Variants in APOB observed in about 807,000 individuals in gnomAD.
APOB encodes apolipoprotein B, also known as apolipoprotein B-100.
In APOB, 153 loss-of-function variants were observed where a neutral mutation model predicts 314.1. That is an observed-to-expected ratio of 0.49 (90% CI 0.43 to 0.56). The LOEUF (loss-of-function observed/expected upper bound fraction) is 0.56. Ranked by LOEUF, APOB falls within the 20% of genes least tolerant of loss-of-function variation. The probability of loss-of-function intolerance (pLI) is 0.00; values close to 1 mark genes in which losing one functional copy is unlikely to be tolerated. For synonymous variants in APOB, 2,087 were observed against 2,036.4 expected (o/e 1.02, Z -0.67); for missense variants, 5,430 against 5,350.7 (o/e 1.01, Z -0.46).
intron 9 of APOB, 137 bp downstream of exon 9, chr2:21,033,162 A>T: frequency 1.4e-6 from 1 of 711,056 alleles, no homozygotes. Context: ...TCTATCCAGC[A>T]ATCATGAACT....
chr2:21,003,389 T>C, intron 28 of APOB, 55 bp from the exon 29 acceptor site: 5 of 1,449,190 alleles, frequency 3.5e-6, no homozygotes, highest in Non-Finnish European at 4.8e-6. Context: ...AATTACACAA[T>C]ATAGTACACT....
At chr2:21,041,141 C>T in intron 3 of APOB, 58 bp from the exon 4 acceptor site, 1 of 1,574,008 alleles carries the variant, frequency 6.4e-7, no homozygotes, top group Non-Finnish European at 8.6e-7. Flanking sequence ...GAGGTGGCCC[C>T]TGAAGCCCAG....
rs746911939 is a variant in APOB, at chr2:21,007,318, G to A, written c.9550C>T (p.His3184Tyr). ...ACAGCCAAAGGATTTGTGATGGAAT[G>A]CCTGTGTTTGTTTTTCTTATACTGA... The part of the protein sequence containing the change: ...KAQYKKNKHR[H>Y]SITNPLAVLC... Residue 3184 changes from histidine (H) to tyrosine (Y), a missense_variant, in exon 26 of 29, where the codon CAT becomes TAT. Physicochemically the swap from His to Tyr is moderately conservative, Grantham distance 83 (BLOSUM62 2). Transcript: ENST00000233242. 20 of 1,613,944 alleles carry A rather than the reference G, an allele frequency of 1.2e-5. No individual in the cohort carries two copies. The highest frequency in any genetic ancestry group is 3.3e-5 in the South Asian group (3 of 91,068).
At position 21,043,957 on chromosome 2, in the gene APOB, G is replaced by C; in HGVS notation, c.-12C>G. 7.9e-7 allele frequency: 1 copy of C among 1,267,308 alleles called. No individual in the cohort carries two copies. 78.5% of individuals were successfully genotyped at this position (1,267,308 alleles called of 1,614,324 possible). On this transcript the variant is annotated 5_prime_UTR_variant, in exon 1 of 29. Coordinates refer to ENST00000233242, the MANE Select transcript of APOB (RefSeq NM_000384.3). ...CTCGGCGGGTCCATCGCCAGCTGCG[G>C]TGGGGCGGCTCCTGGGCTGCGGCCT...
chr2:21,037,047 A>G (rs1664018400), intron 6 of APOB, 53 bp downstream of exon 6: 1 of 1,611,106 alleles, frequency 6.2e-7, no homozygotes, highest in Non-Finnish European at 8.5e-7. Context: ...CTGGAATTGT[A>G]TTAATAAGAG....
intron 14 of APOB, among the ~76,000 whole-genome samples, chr2:21,027,566 G>A (rs1663763332): frequency 6.6e-6 from 1 of 152,144 alleles, no homozygotes; most frequent in South Asian, 2.1e-4. Context: ...ACCCGCCTCG[G>A]CCTCCCAAAG....
In APOB at chr2:21,010,255, T is replaced by G; in HGVS notation, c.6613A>C (p.Ile2205Leu). ...KIAIANIIDEIIEKLKSLDEH... is the reference protein window; with the variant it reads ...KIAIANIIDELIEKLKSLDEH... ...TCAAGACTTTTTAATTTTTCAATGA[T>G]TTCATCAATAATATTAGCAATAGCT... is the stretch of plus-strand genomic sequence containing the variant. Residue 2205 changes from isoleucine (I) to leucine (L), a missense_variant, in exon 26 of 29, where the codon ATC (isoleucine) becomes CTC (leucine). By Grantham distance (5) the Ile-to-Leu change is conservative. Coordinates refer to ENST00000233242, the MANE Select transcript of APOB (RefSeq NM_000384.3). 1 of 1,557,444 alleles carries G rather than the reference T, an allele frequency of 6.4e-7. No individual in the cohort carries two copies. Among genetic ancestry groups the G allele is most frequent in the African/African-American group, 1.4e-5 (1 of 72,736 alleles).
rs13306187 is a variant in APOB, at chr2:21,013,213, C to T, written c.4163G>A (p.Arg1388His). ...CACAGAGTCAGCCTTCATGTGGTAA[C>T]GAGCCCGAAGGCTGAAATGGTCTGT... is the stretch of plus-strand genomic sequence containing the variant. The part of the protein sequence containing the change: ...TSTDHFSLRA[R>H]YHMKADSVVD... The change falls in exon 25 of 29, where the codon CGT (arginine) becomes CAT (histidine). Residue 1388 changes from arginine (R) to histidine (H), a missense_variant. Coordinates refer to ENST00000233242, the MANE Select transcript of APOB (RefSeq NM_000384.3). 5.9e-4 allele frequency: 949 copies of T among 1,614,120 alleles called. 11 individuals are homozygous for T. The East Asian group carries it at 0.015, about 25-fold the overall frequency.
rs75643603 is a variant in APOB at position 21,010,528 on chromosome 2, C to A, written c.6340G>T (p.Ala2114Ser). The A allele has an allele frequency of 6.2e-7, 1 of 1,609,876 alleles. No homozygotes were observed. Among genetic ancestry groups the A allele is most frequent in the Non-Finnish European group, 8.5e-7 (1 of 1,176,934 alleles). Residue 2114 changes from alanine to serine, a missense_variant, in exon 26 of 29, where the codon GCC becomes TCC. Around this residue, in one of 3 missense-constraint regions of APOB, gnomAD observed 3,281 missense variants for 3,171.0 expected, o/e 1.03. Coordinates refer to ENST00000233242, the MANE Select transcript of APOB (RefSeq NM_000384.3). ...GCTTGCTGTGGGAGTTTTCCCAGGG[C>A]TGCTCTGTATTTTCTTACAAATTGA... ...IDQFVRKYRA[A>S]LGKLPQQAND...
chr2:21,016,921 T>C (rs1663487291), intron 20 of APOB, among the ~76,000 whole-genome samples: 1 of 151,416 alleles, frequency 6.6e-6, no homozygotes, highest in African/African-American at 2.4e-5. Context: ...GAGGCGGGGC[T>C]TGCAGTGAGC....
chr2:21,010,738 C>T lies in APOB; in HGVS notation c.6130G>A (p.Asp2044Asn), dbSNP rs1663290052. The T allele has an allele frequency of 5.6e-6, 9 of 1,614,040 alleles. No homozygotes were observed. The highest frequency in any genetic ancestry group is 7.6e-6 in the Non-Finnish European group (9 of 1,179,918). ...AATTCTTGGGGCTTCTCAACGGCAT[C>T]TCTCATCTCTAAAGCATCAATGATA... ...INIIDALEMR[D>N]AVEKPQEFTI... Residue 2044 changes from aspartate to asparagine, a missense_variant, in exon 26 of 29, where the codon GAT becomes AAT. Physicochemically the swap from Asp to Asn is conservative, Grantham distance 23 (BLOSUM62 1). This residue lies in a region of APOB where 3,281 missense variants were observed against 3,171.0 expected (regional missense o/e 1.03). Transcript: ENST00000233242.
chr2:21,022,279 A>G (rs550451956), intron 18 of APOB, among the ~76,000 whole-genome samples: 30 of 152,310 alleles, frequency 2.0e-4, no homozygotes, highest in African/African-American at 7.2e-4. Flanking sequence ...ATTAAATATT[A>G]TTTTTGAATG....
In APOB at chr2:21,028,333, A is replaced by C; in HGVS notation, c.1823T>G (p.Ile608Ser). The C allele has an allele frequency of 1.2e-6, 2 of 1,613,052 alleles. No individual in the cohort carries two copies. Among genetic ancestry groups the C allele is most frequent in the Non-Finnish European group, 1.7e-6 (2 of 1,179,014 alleles). ...GTGAATAGCTCTTACTTACTCTTGG[A>C]TATCCAATTCTTCTGAGTTCAAGAT... ...ANILNSEELD[I>S]QDLKKLVKEA... is the part of the protein sequence containing the mutation. Residue 608 changes from isoleucine to serine, a missense_variant, in exon 13 of 29, where the codon ATC (isoleucine) becomes AGC (serine). By Grantham distance (142) the Ile-to-Ser change is moderately radical. Transcript: ENST00000233242.
At chr2:21,016,974 A>C (rs1464691711) in intron 20 of APOB, among the ~76,000 whole-genome samples, 1 of 143,906 alleles carries the variant, frequency 6.9e-6, no homozygotes, top group Admixed American at 7.1e-5. Context: ...AAAGAGCGAG[A>C]CTCCATCTCA....
chr2:21,026,880 C>G lies in APOB; in HGVS notation c.2152G>C (p.Ala718Pro). 1 of 1,614,162 alleles carries G rather than the reference C, an allele frequency of 6.2e-7. No individual in the cohort carries two copies. Among genetic ancestry groups the G allele is most frequent in the Non-Finnish European group, 8.5e-7 (1 of 1,180,026 alleles). The change falls in exon 15 of 29, where the codon GCT (alanine) becomes CCT (proline). Residue 718 changes from alanine (A) to proline (P), a missense_variant. By Grantham distance (27) the Ala-to-Pro change is conservative. Around this residue, in one of 3 missense-constraint regions of APOB, gnomAD observed 2,085 missense variants for 2,079.7 expected, o/e 1.00. Transcript: ENST00000233242. The part of the protein sequence containing the change: ...QGFFPDSVNK[A>P]LYWVNGQVPD... The stretch of plus-strand genomic sequence containing the variant: ...ACTTGACCATTAACCCAGTACAAAG[C>G]TTTGTTGACACTGTCTGGGAAAAAT...
intron 18 of APOB, among the ~76,000 whole-genome samples, chr2:21,020,244 C>A (rs1313092781): frequency 1.3e-5 from 2 of 152,308 alleles, no homozygotes; most frequent in East Asian, 3.9e-4. Context: ...TTCCTTCCTA[C>A]AATGCAGGGC....
At chr2:21,040,834 G>T in intron 4 of APOB, 104 bp downstream of exon 4, 2 of 1,310,616 alleles carry the variant, frequency 1.5e-6, no homozygotes, top group Non-Finnish European at 2.2e-6. Context: ...CGATGGATAC[G>T]GAATACAAAT....
Position 21,009,260 on chromosome 2 carries a change from C to T in APOB, c.7608G>A (p.Leu2536=), listed in dbSNP as rs1663239040. The change falls in exon 26 of 29, where the codon CTG becomes CTA. Residue 2536 remains leucine (L), a synonymous_variant. Coordinates refer to ENST00000233242, the MANE Select transcript of APOB (RefSeq NM_000384.3). ...TGCTATAAACCTGGCCTACCAGAGA[C>T]AGGTATCGTTGAAGTTCCTGCTGAA... ...MDIQQELQRY[L]SLVGQVYSTL... 6 of 1,614,100 alleles carry T rather than the reference C, an allele frequency of 3.7e-6. No homozygotes were observed. Among genetic ancestry groups the T allele is most frequent in the Non-Finnish European group, 5.1e-6 (6 of 1,179,974 alleles).
chr2:21,014,411 G>T, intron 24 of APOB, 37 bp downstream of exon 24: 2 of 1,611,982 alleles, frequency 1.2e-6, no homozygotes, highest in Non-Finnish European at 1.7e-6. Flanking sequence ...CATTTACTTT[G>T]CATGGTTCAA....
Sources: allele counts gnomAD v4.1 joint callset (sites outside exome capture counted in the v4.1 genomes callset), GRCh38; gene constraint gnomAD v4.1.1; regional missense constraint gnomAD v4.1.1; transcripts MANE v1.5; gene names NCBI Gene and HGNC (gene_info 2026-07-23, HGNC 2026-07-21).